The following EPHA6 variants were observed in gnomAD, a reference collection of about 807,000 sequenced individuals.
EPHA6 encodes ephrin type-A receptor 6.
Under a neutral mutation model 112.0 loss-of-function variants are expected in EPHA6, and 50 were observed. The observed-to-expected ratio is 0.45, with a 90% CI of 0.36 to 0.56. EPHA6 has a LOEUF of 0.56. Among genes scored for constraint, EPHA6 ranks in the 20% least tolerant of loss-of-function variants. The pLI is 0.00. For missense variants in EPHA6, 1,280 were observed against 1,417.4 expected (o/e 0.90, Z 1.56); for synonymous variants, 529 against 490.7 (o/e 1.08, Z -1.03).
intron 2 of EPHA6, among the ~76,000 whole-genome samples, chr3:96,938,151 A>T (rs1381820523): frequency 1.3e-5 from 2 of 151,954 alleles, no homozygotes; most frequent in African/African-American, 2.4e-5. Flanking sequence ...GAAGAAAGTC[A>T]TTGGTAGCTT....
At chr3:96,968,000 T>G (rs564626397) in intron 2 of EPHA6, among the ~76,000 whole-genome samples, 2 of 152,012 alleles carry the variant, frequency 1.3e-5, no homozygotes, top group Non-Finnish European at 2.9e-5. Flanking sequence ...TATGAGCTAT[T>G]GTATACCTTT....
At chr3:96,963,707 A>G (rs1447284412) in intron 2 of EPHA6, among the ~76,000 whole-genome samples, 1 of 152,206 alleles carries the variant, frequency 6.6e-6, no homozygotes, top group Non-Finnish European at 1.5e-5. Flanking sequence ...CAGATATGCC[A>G]GAATACAAAG....
intron 3 of EPHA6, among the ~76,000 whole-genome samples, chr3:97,209,648 AT>A (rs2077812934): frequency 6.6e-6 from 1 of 152,220 alleles, no homozygotes; most frequent in Non-Finnish European, 1.5e-5. Flanking sequence ...TAATTCAATA[AT>A]TTTTACATTA....
chr3:97,130,018 A>C (rs1420093715), intron 3 of EPHA6, among the ~76,000 whole-genome samples: 1 of 152,316 alleles, frequency 6.6e-6, no homozygotes, highest in East Asian at 1.9e-4. Context: ...GTCAAGGAAT[A>C]GTCTTTGTCA....
At chr3:97,419,738 C>T (rs995499334) in intron 6 of EPHA6, among the ~76,000 whole-genome samples, 1 of 151,642 alleles carries the variant, frequency 6.6e-6, no homozygotes, top group Admixed American at 6.6e-5. Context: ...AATAAAAAAA[C>T]AAAGACAAAA....
chr3:97,203,676 G>A (rs944556549), intron 3 of EPHA6, among the ~76,000 whole-genome samples: 7 of 152,150 alleles, frequency 4.6e-5, no homozygotes, highest in African/African-American at 1.7e-4. Context: ...CAGGAGTCAG[G>A]AGTCTTGAAC....
chr3:97,502,417 C>A lies in EPHA6; in HGVS notation c.2200+18358C>A, dbSNP rs191731137. ...CTCCTGACCTCAGATGATCCACCCACCTCGGCCTCCTAAAGTGCTGGGATT... is the reference window on the plus strand; with the variant it reads ...CTCCTGACCTCAGATGATCCACCCAACTCGGCCTCCTAAAGTGCTGGGATT... On this transcript the variant is annotated intron_variant, in intron 10 of 17. Coordinates refer to ENST00000389672, the MANE Select transcript of EPHA6 (RefSeq NM_001080448.3). Among the ~76,000 whole-genome samples the A allele has an allele frequency of 1.2e-4, 18 of 151,914 alleles. No individual in the cohort carries two copies. In the East Asian group the frequency reaches 3.1e-3, roughly 27 times the overall value.
chr3:97,550,779 CTTTAT>C (rs1248424999), intron 11 of EPHA6, among the ~76,000 whole-genome samples: 1 of 151,954 alleles, frequency 6.6e-6, no homozygotes, highest in Non-Finnish European at 1.5e-5. Flanking sequence ...TGAGGACCTA[CTTTAT>C]TTTATTTATC....
At chr3:97,541,136 C>T (rs1168624589) in intron 11 of EPHA6, among the ~76,000 whole-genome samples, 6 of 151,988 alleles carry the variant, frequency 3.9e-5, no homozygotes, top group Non-Finnish European at 8.8e-5. Context: ...TAAAAAAAAT[C>T]CATGAAATTA....
At chr3:97,250,657 C>A (rs2108595911) in intron 5 of EPHA6, among the ~76,000 whole-genome samples, 1 of 152,234 alleles carries the variant, frequency 6.6e-6, no homozygotes, top group South Asian at 2.1e-4. Flanking sequence ...CTATAGCTAT[C>A]ATATGATATA....
intron 2 of EPHA6, among the ~76,000 whole-genome samples, chr3:96,943,346 G>C (rs2041081272): frequency 6.6e-6 from 1 of 152,002 alleles, no homozygotes; most frequent in South Asian, 2.1e-4. Flanking sequence ...ACTCTGATTT[G>C]ATTATTATAC....
intron 2 of EPHA6, among the ~76,000 whole-genome samples, chr3:96,981,516 T>A (rs1170377955): frequency 6.6e-6 from 1 of 152,128 alleles, no homozygotes; most frequent in Non-Finnish European, 1.5e-5. Context: ...ATTCTCTTTT[T>A]TTTTTGTTGT....
intron 3 of EPHA6, among the ~76,000 whole-genome samples, chr3:97,196,909 G>C (rs189253653): frequency 6.6e-6 from 1 of 152,092 alleles, no homozygotes; most frequent in East Asian, 2.0e-4. Context: ...TCCACCACTG[G>C]AACTGCATCC....
chr3:97,574,628 TA>T (rs1358338343), intron 11 of EPHA6, among the ~76,000 whole-genome samples: 1 of 152,110 alleles, frequency 6.6e-6, no homozygotes, highest in Non-Finnish European at 1.5e-5. Context: ...AATACTGCAA[TA>T]TTTGTTAAAC....
chr3:97,381,284 A>G lies in EPHA6; in HGVS notation c.1607-23866A>G, dbSNP rs1165376759. On this transcript the variant is annotated intron_variant, in intron 5 of 17. Transcript: ENST00000389672. ...GCATAATAATGAGAATTAATAGCCT[A>G]TTTATTTATTATTGATACCTATTAT... 6.6e-5 allele frequency among the ~76,000 whole-genome samples: 10 copies of G among 152,076 alleles called. No individual in the cohort carries two copies. In the East Asian group the frequency reaches 1.7e-3, roughly 26 times the overall value.
At chr3:96,818,898 T>G (rs1386063920) in intron 1 of EPHA6, among the ~76,000 whole-genome samples, 1 of 151,868 alleles carries the variant, frequency 6.6e-6, no homozygotes, top group Non-Finnish European at 1.5e-5. Context: ...TTGTTAGACA[T>G]AAGTATAAAT....
chr3:97,542,897 T>G (rs2092885496), intron 11 of EPHA6, among the ~76,000 whole-genome samples: 1 of 152,232 alleles, frequency 6.6e-6, no homozygotes, highest in Admixed American at 6.5e-5. Context: ...TGTCTTCTTG[T>G]GAGAAGTGTC....
At chr3:96,856,901 C>A (rs1443143594) in intron 1 of EPHA6, among the ~76,000 whole-genome samples, 2 of 152,026 alleles carry the variant, frequency 1.3e-5, no homozygotes, top group Non-Finnish European at 2.9e-5. Context: ...CTCCTGTATG[C>A]CTGATTAACA....
At chr3:97,676,424 C>T (rs1337278896) in intron 14 of EPHA6, among the ~76,000 whole-genome samples, 1 of 152,076 alleles carries the variant, frequency 6.6e-6, no homozygotes, top group Non-Finnish European at 1.5e-5. Context: ...TATTTGAAGG[C>T]ATAGATTTGG....
Sources: allele counts gnomAD v4.1 joint callset (sites outside exome capture counted in the v4.1 genomes callset), GRCh38; gene constraint gnomAD v4.1.1; transcripts MANE v1.5; gene names NCBI Gene and HGNC (gene_info 2026-07-23, HGNC 2026-07-21).